NEO1: variants seen among roughly 807,000 people sequenced by gnomAD.
NEO1 encodes neogenin 1, also known as neogenin.
Under a neutral mutation model 159.7 loss-of-function variants are expected in NEO1, and 63 were observed. That is an observed-to-expected ratio of 0.39 (90% CI 0.32 to 0.49). The LOEUF (loss-of-function observed/expected upper bound fraction) is 0.49. NEO1 is among the 20% of genes least tolerant of loss of function. NEO1 has a pLI of 0.85. For synonymous variants in NEO1, 633 were observed against 662.0 expected (o/e 0.96, Z 0.67); for missense variants, 1,615 against 1,831.0 (o/e 0.88, Z 2.15).
In NEO1 at chr15:73,178,437, G is replaced by T; in HGVS notation, c.1291+10G>T. The T allele has an allele frequency of 6.2e-7, 1 of 1,613,090 alleles. No homozygotes were observed. The highest frequency in any genetic ancestry group is 8.5e-7 in the Non-Finnish European group (1 of 1,179,494). On this transcript the variant is annotated intron_variant, in intron 7 of 28. Coordinates refer to ENST00000261908, the MANE Select transcript of NEO1 (RefSeq NM_002499.4). ...ATAATCCTTGAACATGGTAAGAAGG[G>T]CTGAAATAGTCAGATGATAGAGGCT...
intron 11 of NEO1, among the ~76,000 whole-genome samples, chr15:73,251,528 A>AG (rs2040067720): frequency 6.6e-6 from 1 of 151,708 alleles, no homozygotes; most frequent in Non-Finnish European, 1.5e-5. Context: ...AAAAAAAAAA[A>AG]AAAAAGTTGG....
chr15:73,156,397 A>C (rs1290822867), intron 5 of NEO1, among the ~76,000 whole-genome samples: 1 of 152,056 alleles, frequency 6.6e-6, no homozygotes, highest in Non-Finnish European at 1.5e-5. Flanking sequence ...ATATGCTGGC[A>C]CCCATGTTGG....
intron 7 of NEO1, among the ~76,000 whole-genome samples, chr15:73,190,510 T>G (rs1178838400): frequency 6.6e-6 from 1 of 152,158 alleles, no homozygotes; most frequent in Non-Finnish European, 1.5e-5. Flanking sequence ...CAGAAATGTT[T>G]GTAAAAAATT....
chr15:73,156,327 G>T (rs1432172491), intron 5 of NEO1, among the ~76,000 whole-genome samples: 2 of 152,162 alleles, frequency 1.3e-5, no homozygotes, highest in Non-Finnish European at 2.9e-5. Flanking sequence ...TGCCTCATGG[G>T]TCCTTCAGTG....
intron 8 of NEO1, among the ~76,000 whole-genome samples, chr15:73,242,929 C>T (rs2150899666): frequency 6.6e-6 from 1 of 152,294 alleles, no homozygotes; most frequent in Admixed American, 6.5e-5. Context: ...CAGTTCAAAC[C>T]TGTCTTGTTC....
chr15:73,060,514 C>T (rs372173886), intron 1 of NEO1, among the ~76,000 whole-genome samples: 3 of 152,092 alleles, frequency 2.0e-5, no homozygotes, highest in Non-Finnish European at 2.9e-5. Context: ...ATGATCTGCC[C>T]GCCTCGGCCT....
chr15:73,219,237 G>C (rs1376807342), intron 7 of NEO1, among the ~76,000 whole-genome samples: 7 of 152,060 alleles, frequency 4.6e-5, no homozygotes, highest in Middle Eastern at 3.4e-3. Flanking sequence ...GCGGCTTTGA[G>C]TGAGATTCTT....
chr15:73,140,004 T>A (rs2032222198), intron 5 of NEO1, among the ~76,000 whole-genome samples: 1 of 152,248 alleles, frequency 6.6e-6, no homozygotes, highest in Admixed American at 6.5e-5. Context: ...GGCAAAAGAC[T>A]TGAACATCGA....
At chr15:73,146,028 C>T (rs1244303943) in intron 5 of NEO1, among the ~76,000 whole-genome samples, 3 of 152,180 alleles carry the variant, frequency 2.0e-5, no homozygotes, top group African/African-American at 4.8e-5. Context: ...GAATGTTCCT[C>T]CTTCCACTCC....
chr15:73,274,799 T>A, intron 21 of NEO1, 75 bp downstream of exon 21: 1 of 1,114,986 alleles, frequency 9.0e-7, no homozygotes, highest in Non-Finnish European at 1.2e-6. Context: ...TTTGTTTCTT[T>A]TTTTTTTTTT....
intron 1 of NEO1, among the ~76,000 whole-genome samples, chr15:73,094,269 T>C (rs2069873082): frequency 6.6e-6 from 1 of 152,216 alleles, no homozygotes. Context: ...GATAACACTC[T>C]TTTGATTTAC....
intron 5 of NEO1, among the ~76,000 whole-genome samples, chr15:73,143,059 C>T (rs931200749): frequency 6.6e-6 from 1 of 152,118 alleles, no homozygotes; most frequent in Non-Finnish European, 1.5e-5. Context: ...AATGGAGGTG[C>T]CAGAAGCAAA....
At chr15:73,177,408 A>T (rs2035341382) in intron 6 of NEO1, among the ~76,000 whole-genome samples, 1 of 152,200 alleles carries the variant, frequency 6.6e-6, no homozygotes, top group African/African-American at 2.4e-5. Flanking sequence ...GAAATGCATG[A>T]TCTCCTGTTG....
intron 1 of NEO1, among the ~76,000 whole-genome samples, chr15:73,073,646 C>T (rs772727328): frequency 3.3e-5 from 5 of 152,032 alleles, no homozygotes; most frequent in South Asian, 2.1e-4. Context: ...TCTCCTTTAA[C>T]GAGAGGGAAG....
chr15:73,281,018 A>G (rs1280421159), intron 22 of NEO1, among the ~76,000 whole-genome samples: 1 of 151,480 alleles, frequency 6.6e-6, no homozygotes, highest in East Asian at 2.0e-4. Flanking sequence ...ATCCTGGCAA[A>G]CACTGTGAAA....
At chr15:73,211,927 A>G (rs180878995) in intron 7 of NEO1, among the ~76,000 whole-genome samples, 1 of 152,090 alleles carries the variant, frequency 6.6e-6, no homozygotes, top group Admixed American at 6.5e-5. Context: ...TTGGTCAGGT[A>G]TTTTGTCCAG....
At chr15:73,192,191 G>A (rs1475408600) in intron 7 of NEO1, among the ~76,000 whole-genome samples, 3 of 152,024 alleles carry the variant, frequency 2.0e-5, no homozygotes, top group Non-Finnish European at 4.4e-5. Context: ...TTTCTGAAGT[G>A]ATATTTAAGT....
intron 7 of NEO1, among the ~76,000 whole-genome samples, chr15:73,208,621 G>A (rs2037371769): frequency 6.6e-6 from 1 of 152,120 alleles, no homozygotes; most frequent in Non-Finnish European, 1.5e-5. Flanking sequence ...CAGCACTTTG[G>A]GAGGCAGGGG....
chr15:73,201,954 C>CTTTTTT (rs1206304409), intron 7 of NEO1, among the ~76,000 whole-genome samples: 59 of 83,432 alleles, frequency 7.1e-4, no homozygotes, highest in African/African-American at 1.0e-3. Context: ...CTATATCATT[C>CTTTTTT]TTTTTTTTTT....
Sources: allele counts gnomAD v4.1 joint callset (sites outside exome capture counted in the v4.1 genomes callset), GRCh38; gene constraint gnomAD v4.1.1; transcripts MANE v1.5; gene names NCBI Gene and HGNC (gene_info 2026-07-23, HGNC 2026-07-21).